The following FKBP1B variants were observed in gnomAD, a reference collection of about 807,000 sequenced individuals.
FKBP1B encodes the protein peptidyl-prolyl cis-trans isomerase FKBP1B.
A neutral mutation model predicts 13.5 loss-of-function variants in FKBP1B; 4 were observed. The ratio of observed to expected loss-of-function variants is 0.30; its 90% CI spans 0.15 to 0.68. FKBP1B has a LOEUF of 0.68. Among genes scored for constraint, FKBP1B ranks in the 30% least tolerant of loss-of-function variants. The pLI is 0.76. For missense variants in FKBP1B, 93 were observed against 136.2 expected, an observed-to-expected ratio of 0.68 and a Z score of 1.58; for synonymous variants, 54 against 53.6, an observed-to-expected ratio of 1.01 and a Z score of -0.03.
the FKBP1B span, among the ~76,000 whole-genome samples, chr2:24,043,125 G>T: frequency 2.0e-5 from 3 of 152,024 alleles, no homozygotes; most frequent in Admixed American, 2.0e-4. Context: ...CCTGAGGTCA[G>T]GATTTCGAGA....
chr2:24,037,531 G>C, the FKBP1B span: 1 of 882,146 alleles, frequency 1.1e-6, no homozygotes, highest in South Asian at 1.9e-5. Context: ...AACCTGCAAA[G>C]GTGTACCAAC....
chr2:24,039,513 C>G, the FKBP1B span: 1 of 1,603,520 alleles, frequency 6.2e-7, no homozygotes, highest in South Asian at 1.1e-5. Flanking sequence ...TAAAGGTTAC[C>G]TGAAATGATT....
intron 2 of FKBP1B, 166 bp downstream of exon 2, chr2:24,054,115 G>A (rs1409884365): frequency 1.4e-6 from 1 of 738,566 alleles, no homozygotes; most frequent in Non-Finnish European, 2.5e-6. Context: ...CAGTCTAGTG[G>A]GAATGATAAA....
chr2:24,034,352 G>A, the FKBP1B span, among the ~76,000 whole-genome samples: 3 of 152,122 alleles, frequency 2.0e-5, no homozygotes, highest in Admixed American at 6.6e-5. Flanking sequence ...CCCAGGAGGC[G>A]GAGGTTGCAG....
rs1346453204 is a variant in FKBP1B at position 24,049,867 on chromosome 2, G to A, written c.18G>A (p.Glu6=). The A allele has an allele frequency of 1.4e-6, 2 of 1,431,824 alleles. No individual in the cohort carries two copies. The highest frequency in any genetic ancestry group is 1.8e-6 in the Non-Finnish European group (2 of 1,091,798). 88.7% of individuals were successfully genotyped at this position (1,431,824 alleles called of 1,614,324 possible). MGVEI[E]TISPGDGRTF... is the part of the protein sequence containing the mutation. ...GGACCGCTATGGGCGTGGAGATCGA[G>A]ACCATCTCCCCCGGAGACGGTACCG... The change falls in exon 1 of 4, where the codon GAG becomes GAA. Residue 6 remains glutamate (E), a synonymous_variant. Transcript: ENST00000380986.
chr2:24,038,883 G>T, the FKBP1B span: 1 of 1,614,196 alleles, frequency 6.2e-7, no homozygotes, highest in Non-Finnish European at 8.5e-7. Context: ...AGCAGACGTG[G>T]CTGTCCACAT....
chr2:24,037,713 G>C, the FKBP1B span: 1 of 1,613,740 alleles, frequency 6.2e-7, no homozygotes, highest in Non-Finnish European at 8.5e-7. Context: ...GATCTTGAGA[G>C]AGTGGATACA....
chr2:24,050,417 T>G lies in FKBP1B; in HGVS notation c.37+531T>G, dbSNP rs936702121. Among the ~76,000 whole-genome samples the G allele has an allele frequency of 1.1e-4, 17 of 152,132 alleles. No individual in the cohort carries two copies. The highest frequency in any genetic ancestry group is 8.3e-4 in the South Asian group (4 of 4,822). On this transcript the variant is annotated intron_variant, in intron 1 of 3. Transcript: ENST00000380986. This position sits in a 1 kb window ranked among gnomAD's most constrained non-coding sequence, Gnocchi z 5.8. ...AGGGGGAAGCGCTCCCTTGCCCGCT[T>G]CCGGATCTCGCTTTATCCTGCCGCC...
upstream of FKBP1B, among the ~76,000 whole-genome samples, chr2:24,045,632 AG>A (rs1663595852): frequency 3.2e-5 from 2 of 61,852 alleles, no homozygotes; most frequent in Non-Finnish European, 6.5e-5. Context: ...AGAGAGAGAG[AG>A]GAAGGAAGGA....
upstream of FKBP1B, among the ~76,000 whole-genome samples, chr2:24,048,183 C>CT (rs1239181546): frequency 2.0e-5 from 3 of 151,944 alleles, no homozygotes; most frequent in Non-Finnish European, 4.4e-5. Flanking sequence ...CTTTTCTTTT[C>CT]TTTTTTTAAA....
chr2:24,048,087 T>C (rs375006787), upstream of FKBP1B, among the ~76,000 whole-genome samples: 114 of 152,258 alleles, frequency 7.5e-4, no homozygotes, highest in African/African-American at 2.6e-3. Flanking sequence ...TCTGGACCAG[T>C]TTGCCAGGCT....
rs372039880 is a variant in FKBP1B at position 24,054,014 on chromosome 2, C to G, written c.85+65C>G. On this transcript the variant is annotated intron_variant, in intron 2 of 3. Transcript: ENST00000380986. ...TCCCAAGGCAGGGCTGTCCTCTGAG[C>G]TTCTCTCCAGAGGTGCCTGCCTCTG... is the stretch of plus-strand genomic sequence containing the variant. 11 of 1,499,384 alleles carry G rather than the reference C, an allele frequency of 7.3e-6. No individual in the cohort carries two copies. In the East Asian group the frequency reaches 2.3e-4, roughly 31 times the overall value. The allele number at this position is 1,499,384 out of a possible 1,614,324, so 92.9% of individuals were successfully genotyped here. A position where few individuals can be genotyped will look rare whatever the true frequency, so the allele number is the denominator to read the frequency against.
At chr2:24,041,555 G>C in the FKBP1B span, among the ~76,000 whole-genome samples, 2 of 151,864 alleles carry the variant, frequency 1.3e-5, no homozygotes, top group East Asian at 3.9e-4. Context: ...TGGCTCATAG[G>C]CATGAGCCAC....
intron 3 of FKBP1B, among the ~76,000 whole-genome samples, chr2:24,062,214 C>T (rs562393945): frequency 1.7e-4 from 26 of 151,870 alleles, no homozygotes; most frequent in African/African-American, 6.3e-4. Flanking sequence ...ACTCTGTTGC[C>T]CAGGCTAGAG....
chr2:24,060,349 C>T (rs927581584), intron 2 of FKBP1B, among the ~76,000 whole-genome samples: 1 of 152,052 alleles, frequency 6.6e-6, no homozygotes, highest in Non-Finnish European at 1.5e-5. Flanking sequence ...TTCAGGAGTT[C>T]AAGACCAGCC....
the FKBP1B span, chr2:24,038,250 A>C: frequency 1.9e-6 from 3 of 1,614,152 alleles, no homozygotes; most frequent in Non-Finnish European, 2.5e-6. Context: ...ACTTTGAAGA[A>C]GGAAGAAATG....
At chr2:24,051,946 T>C (rs553923317) in intron 1 of FKBP1B, among the ~76,000 whole-genome samples, 1 of 152,308 alleles carries the variant, frequency 6.6e-6, no homozygotes, top group East Asian at 1.9e-4. Context: ...CTCAGATGTC[T>C]AATAGGCATC....
intron 2 of FKBP1B, among the ~76,000 whole-genome samples, chr2:24,055,129 C>T (rs1351556226): frequency 6.6e-6 from 1 of 151,716 alleles, no homozygotes. Context: ...CCAGCATCCC[C>T]AAAAGTCCCC....
chr2:24,060,125 GA>G (rs34768847), intron 2 of FKBP1B, among the ~76,000 whole-genome samples: 46,610 of 148,182 alleles, frequency 0.31, 7,794 homozygotes, highest in African/African-American at 0.44. Context: ...TGTGTTTAAA[GA>G]AAAAAAAAAA....
Sources: allele counts gnomAD v4.1 joint callset (sites outside exome capture counted in the v4.1 genomes callset), GRCh38; gene constraint gnomAD v4.1.1; non-coding constraint Gnocchi (gnomAD v3.1); transcripts MANE v1.5; gene names NCBI Gene and HGNC (gene_info 2026-07-23, HGNC 2026-07-21).